Variants in ERC2 observed in about 807,000 individuals in gnomAD.
The protein encoded by ERC2 is ERC protein 2.
Under a neutral mutation model 114.8 loss-of-function variants are expected in ERC2, and 42 were observed. That is an observed-to-expected ratio of 0.37 (90% CI 0.29 to 0.47). The LOEUF is 0.47. Ranked by LOEUF, ERC2 falls within the 20% of genes least tolerant of loss-of-function variation. The pLI, the probability that ERC2 is intolerant of heterozygous loss-of-function variation, is 0.99. For missense variants in ERC2, 939 were observed against 1,150.7 expected (o/e 0.82, Z 2.66); for synonymous variants, 454 against 425.5 (o/e 1.07, Z -0.82).
intron 4 of ERC2, among the ~76,000 whole-genome samples, chr3:56,157,124 C>T (rs191793754): frequency 1.3e-5 from 2 of 152,152 alleles, no homozygotes; most frequent in Admixed American, 6.5e-5. Context: ...AAACTGGAAT[C>T]GTTCCCTCAA....
intron 2 of ERC2, among the ~76,000 whole-genome samples, chr3:56,394,630 G>A (rs2060239901): frequency 6.6e-6 from 1 of 152,142 alleles, no homozygotes; most frequent in Non-Finnish European, 1.5e-5. Context: ...AACATCATCA[G>A]CTATAAGGGA....
intron 3 of ERC2, among the ~76,000 whole-genome samples, chr3:56,285,305 A>G (rs1372728744): frequency 6.6e-6 from 1 of 151,736 alleles, no homozygotes; most frequent in African/African-American, 2.4e-5. Context: ...GTTCACCACC[A>G]TAATTATTTT....
intron 16 of ERC2, among the ~76,000 whole-genome samples, chr3:55,696,987 C>T (rs1158132441): frequency 1.3e-5 from 2 of 152,230 alleles, no homozygotes; most frequent in African/African-American, 4.8e-5. Flanking sequence ...GTGACCCCCA[C>T]TGCAGAATAA....
intron 7 of ERC2, among the ~76,000 whole-genome samples, chr3:56,063,934 A>G (rs773462254): frequency 6.6e-6 from 1 of 152,204 alleles, no homozygotes; most frequent in Non-Finnish European, 1.5e-5. Context: ...ACTCATCTAT[A>G]ACATCATGTC....
intron 14 of ERC2, among the ~76,000 whole-genome samples, chr3:55,877,576 A>G (rs751766277): frequency 6.7e-6 from 1 of 150,232 alleles, no homozygotes; most frequent in Non-Finnish European, 1.5e-5. Context: ...CAGTGATGCA[A>G]TCACAGTTCA....
chr3:55,619,499 C>T (rs1009049807), intron 17 of ERC2, among the ~76,000 whole-genome samples: 1 of 152,164 alleles, frequency 6.6e-6, no homozygotes, highest in Admixed American at 6.5e-5. Context: ...CCTATTTCTT[C>T]CACATCGTAA....
intron 7 of ERC2, among the ~76,000 whole-genome samples, chr3:56,020,077 C>T (rs1311579835): frequency 6.6e-6 from 1 of 152,018 alleles, no homozygotes; most frequent in Non-Finnish European, 1.5e-5. Flanking sequence ...TAATAGTAAT[C>T]CCAGTAGTAA....
chr3:56,055,001 C>T (rs1273810151), intron 7 of ERC2, among the ~76,000 whole-genome samples: 1 of 152,218 alleles, frequency 6.6e-6, no homozygotes, highest in Admixed American at 6.5e-5. Context: ...TATTGCAACA[C>T]TGAGGCTCGG....
intron 7 of ERC2, among the ~76,000 whole-genome samples, chr3:56,070,077 T>A (rs2076658603): frequency 1.3e-5 from 2 of 152,226 alleles, no homozygotes; most frequent in Non-Finnish European, 2.9e-5. Flanking sequence ...ATAGACATTT[T>A]GAATCATGGA....
chr3:55,571,503 G>T (rs2056712083), intron 17 of ERC2, among the ~76,000 whole-genome samples: 1 of 152,158 alleles, frequency 6.6e-6, no homozygotes. Flanking sequence ...GCACCAGACA[G>T]TGAGGACAAC....
chr3:56,253,033 C>T (rs1373978910), intron 3 of ERC2, among the ~76,000 whole-genome samples: 2 of 152,110 alleles, frequency 1.3e-5, no homozygotes, highest in Non-Finnish European at 2.9e-5. Flanking sequence ...GCTAAGTGGT[C>T]TCAGGTTCCA....
intron 17 of ERC2, among the ~76,000 whole-genome samples, chr3:55,645,825 A>C (rs2060371914): frequency 6.6e-6 from 1 of 152,130 alleles, no homozygotes; most frequent in Admixed American, 6.5e-5. Context: ...TGGATAATGA[A>C]TTTTCGGATA....
At chr3:55,832,795 C>T (rs1358500089) in intron 14 of ERC2, among the ~76,000 whole-genome samples, 1 of 152,082 alleles carries the variant, frequency 6.6e-6, no homozygotes, top group Non-Finnish European at 1.5e-5. Flanking sequence ...AGGCCTCAGA[C>T]GATCAAACTA....
chr3:56,013,931 C>T (rs2073131270), intron 8 of ERC2, among the ~76,000 whole-genome samples: 1 of 152,160 alleles, frequency 6.6e-6, no homozygotes, highest in Admixed American at 6.5e-5. Context: ...TACTGGAATA[C>T]TTAGAATAAA....
intron 2 of ERC2, among the ~76,000 whole-genome samples, chr3:56,380,706 A>C (rs1395994787): frequency 6.6e-6 from 1 of 152,230 alleles, no homozygotes; most frequent in Admixed American, 6.5e-5. Flanking sequence ...AGCTATCACC[A>C]TATCATCTTT....
chr3:55,824,787 A>G (rs1427726407), intron 14 of ERC2, among the ~76,000 whole-genome samples: 2 of 152,256 alleles, frequency 1.3e-5, no homozygotes, highest in African/African-American at 4.8e-5. Flanking sequence ...TTAAACTTTA[A>G]GAAGCATTGG....
At chr3:55,597,779 T>C (rs2058217390) in intron 17 of ERC2, among the ~76,000 whole-genome samples, 1 of 152,228 alleles carries the variant, frequency 6.6e-6, no homozygotes, top group African/African-American at 2.4e-5. Flanking sequence ...AAGCCTGACT[T>C]GGCACCCTAC....
At chr3:56,020,934 G>A (rs2073672699) in intron 7 of ERC2, among the ~76,000 whole-genome samples, 2 of 152,252 alleles carry the variant, frequency 1.3e-5, no homozygotes, top group South Asian at 4.1e-4. Context: ...GGGTCCTACT[G>A]GCATGCAGGT....
intron 14 of ERC2, among the ~76,000 whole-genome samples, chr3:55,830,105 G>T (rs548320134): frequency 6.6e-6 from 1 of 152,062 alleles, no homozygotes; most frequent in African/African-American, 2.4e-5. Flanking sequence ...GAAAAATGAC[G>T]TTACACAGAA....
Sources: allele counts gnomAD v4.1 joint callset (sites outside exome capture counted in the v4.1 genomes callset), GRCh38; gene constraint gnomAD v4.1.1; transcripts MANE v1.5; gene names NCBI Gene and HGNC (gene_info 2026-07-23, HGNC 2026-07-21).